The following RBMS3 variants were observed in gnomAD, a reference collection of about 807,000 sequenced individuals.
RBMS3 encodes the protein RNA binding motif single stranded interacting protein 3, also known as RNA-binding motif, single-stranded-interacting protein 3.
Under a neutral mutation model 66.8 loss-of-function variants are expected in RBMS3, and 27 were observed. The observed-to-expected ratio is 0.40, with a 90% CI of 0.30 to 0.56. The LOEUF (loss-of-function observed/expected upper bound fraction) is 0.56, where lower values mean the gene tolerates loss of function less well. Among genes scored for constraint, RBMS3 ranks in the 20% least tolerant of loss-of-function variants. The probability of loss-of-function intolerance (pLI) is 0.40; values close to 1 mark genes in which losing one functional copy is unlikely to be tolerated. For synonymous variants in RBMS3, 188 were observed against 183.0 expected (o/e 1.03, Z -0.22); for missense variants, 513 against 549.5 (o/e 0.93, Z 0.66).
At chr3:29,897,538 C>G in intron 9 of RBMS3, 63 bp downstream of exon 9, 1 of 1,423,594 alleles carries the variant, frequency 7.0e-7, no homozygotes, top group South Asian at 1.2e-5. Flanking sequence ...TATTTAGAGG[C>G]AAAAAGGACA....
intron 1 of RBMS3, among the ~76,000 whole-genome samples, chr3:29,412,946 G>T (rs2040326302): frequency 6.6e-6 from 1 of 152,238 alleles, no homozygotes; most frequent in Non-Finnish European, 1.5e-5. Flanking sequence ...TCAGGAGGCA[G>T]TAGACTGCTC....
intron 4 of RBMS3, among the ~76,000 whole-genome samples, chr3:29,594,651 C>T (rs1385209366): frequency 6.6e-6 from 1 of 152,142 alleles, no homozygotes; most frequent in East Asian, 1.9e-4. Context: ...GAAATACTTA[C>T]TGGCTGGTCT....
intron 1 of RBMS3, among the ~76,000 whole-genome samples, chr3:29,300,070 A>G (rs2033567898): frequency 6.6e-6 from 1 of 151,958 alleles, no homozygotes; most frequent in African/African-American, 2.4e-5. Context: ...TCAAAAATAT[A>G]TGTCACTAAT....
At chr3:29,814,783 T>A (rs1167871618) in intron 6 of RBMS3, among the ~76,000 whole-genome samples, 1 of 152,158 alleles carries the variant, frequency 6.6e-6, no homozygotes, top group African/African-American at 2.4e-5. Flanking sequence ...AGTATAATAA[T>A]AATAAATTTA....
At chr3:29,338,905 A>T (rs1282053809) in intron 1 of RBMS3, among the ~76,000 whole-genome samples, 7 of 152,200 alleles carry the variant, frequency 4.6e-5, no homozygotes, top group Non-Finnish European at 1.0e-4. Context: ...GAACAGCATC[A>T]TCAATTTTGA....
At chr3:29,379,699 G>C (rs1301602057) in intron 1 of RBMS3, among the ~76,000 whole-genome samples, 1 of 152,110 alleles carries the variant, frequency 6.6e-6, no homozygotes, top group African/African-American at 2.4e-5. Flanking sequence ...GATTTTGGTG[G>C]GGACACAGCG....
intron 7 of RBMS3, among the ~76,000 whole-genome samples, chr3:29,874,580 G>A (rs1234902472): frequency 6.6e-6 from 1 of 152,122 alleles, no homozygotes; most frequent in East Asian, 1.9e-4. Flanking sequence ...TTACATATGT[G>A]ATCTTGAAAA....
chr3:29,704,250 G>T (rs1407308185), intron 4 of RBMS3, among the ~76,000 whole-genome samples: 1 of 152,054 alleles, frequency 6.6e-6, no homozygotes, highest in Non-Finnish European at 1.5e-5. Context: ...CCACAAAACT[G>T]GTCCCTGGTG....
At chr3:29,765,059 A>C (rs1254369680) in intron 6 of RBMS3, among the ~76,000 whole-genome samples, 1 of 152,042 alleles carries the variant, frequency 6.6e-6, no homozygotes, top group African/African-American at 2.4e-5. Flanking sequence ...AATTACTTTG[A>C]AAGTTAGAGT....
chr3:29,309,780 G>A (rs1394834696), intron 1 of RBMS3, among the ~76,000 whole-genome samples: 1 of 151,638 alleles, frequency 6.6e-6, no homozygotes, highest in African/African-American at 2.4e-5. Context: ...AAAATGCATT[G>A]CATTTAATAA....
intron 6 of RBMS3, among the ~76,000 whole-genome samples, chr3:29,848,253 A>C (rs2058839666): frequency 6.6e-6 from 1 of 152,178 alleles, no homozygotes; most frequent in Admixed American, 6.5e-5. Flanking sequence ...AGATGCATTT[A>C]CAGGATCTTT....
At chr3:29,621,643 C>A (rs1024046140) in intron 4 of RBMS3, among the ~76,000 whole-genome samples, 2 of 152,054 alleles carry the variant, frequency 1.3e-5, no homozygotes, top group Non-Finnish European at 2.9e-5. Flanking sequence ...CAGCATAATA[C>A]CAAGTTCTAG....
chr3:29,510,383 A>G lies in RBMS3; in HGVS notation c.307+21884A>G, dbSNP rs139630716. On this transcript the variant is annotated intron_variant, in intron 3 of 14. Coordinates refer to ENST00000383767, the MANE Select transcript of RBMS3 (RefSeq NM_001003793.3). The stretch of plus-strand genomic sequence containing the variant: ...TACTCCAGCTCATTATTCTTCTTCC[A>G]TTCTAAACCTGACTTAGATTATTAG... 7.4e-3 allele frequency among the ~76,000 whole-genome samples: 1,124 copies of G among 152,286 alleles called. 3 individuals are homozygous for G. Among genetic ancestry groups the G allele is most frequent in the Non-Finnish European group, 0.012 (798 of 68,012 alleles).
intron 4 of RBMS3, among the ~76,000 whole-genome samples, chr3:29,639,629 T>A (rs936934701): frequency 2.3e-5 from 3 of 129,572 alleles, no homozygotes; most frequent in Non-Finnish European, 3.3e-5. Flanking sequence ...GAGAGAATGA[T>A]CAGAATGCAG....
chr3:29,455,995 C>A (rs953900077), intron 2 of RBMS3, among the ~76,000 whole-genome samples: 6 of 152,108 alleles, frequency 3.9e-5, no homozygotes, highest in Non-Finnish European at 2.9e-5. Flanking sequence ...CTCAAAACTG[C>A]TGTGAGTACT....
intron 1 of RBMS3, among the ~76,000 whole-genome samples, chr3:29,384,956 T>C (rs565526636): frequency 2.0e-5 from 3 of 152,112 alleles, no homozygotes; most frequent in South Asian, 2.1e-4. Flanking sequence ...GGAGCAGAGA[T>C]GTATGATCTT....
chr3:29,701,787 CG>C (rs968654608), intron 4 of RBMS3, among the ~76,000 whole-genome samples: 2 of 152,096 alleles, frequency 1.3e-5, no homozygotes, highest in African/African-American at 2.4e-5. Flanking sequence ...GAATTCTCAC[CG>C]GGCCTCAGCT....
chr3:29,953,656 T>G (rs1293054207), intron 12 of RBMS3, among the ~76,000 whole-genome samples: 1 of 151,932 alleles, frequency 6.6e-6, no homozygotes, highest in East Asian at 1.9e-4. Context: ...GGCACTGTTC[T>G]TAGTGCTCTA....
At chr3:29,868,383 A>C (rs2059411287) in intron 6 of RBMS3, among the ~76,000 whole-genome samples, 1 of 152,162 alleles carries the variant, frequency 6.6e-6, no homozygotes, top group Non-Finnish European at 1.5e-5. Flanking sequence ...ATTACAGGGG[A>C]CTAATTTTTT....
Sources: gnomAD v4.1 joint callset for allele counts (sites outside exome capture counted in the v4.1 genomes callset) on GRCh38, gnomAD v4.1.1 for gene constraint, MANE v1.5 for transcripts, NCBI Gene and HGNC (gene_info 2026-07-23, HGNC 2026-07-21) for gene names.